The following TENM1 variants were observed in gnomAD, a reference collection of about 807,000 sequenced individuals.
The protein encoded by TENM1 is teneurin-1.
TENM1 carries 35 observed loss-of-function variants against 174.8 expected under a neutral mutation model. The ratio of observed to expected loss-of-function variants is 0.20; its 90% CI spans 0.15 to 0.27. The LOEUF (loss-of-function observed/expected upper bound fraction) is 0.27, where lower values mean the gene tolerates loss of function less well. TENM1 is among the 10% of genes least tolerant of loss of function. TENM1 has a pLI of 1.00. For missense variants in TENM1, 1,633 were observed against 2,130.1 expected (o/e 0.77, Z 4.59); for synonymous variants, 781 against 798.7 (o/e 0.98, Z 0.37).
intron 11 of TENM1, among the ~76,000 whole-genome samples, chrX:124,618,467 A>T (rs1342910701): frequency 1.8e-5 from 2 of 111,854 alleles, no homozygotes; most frequent in Admixed American, 9.5e-5. Flanking sequence ...TTTTGTAAGC[A>T]TGATTTTTTC....
At chrX:124,728,156 TC>T (rs745649859) in intron 4 of TENM1, among the ~76,000 whole-genome samples, 1,240 of 109,695 alleles carry the variant, frequency 0.011, 24 homozygotes, top group African/African-American at 0.038. Flanking sequence ...AAAAAAAAAA[TC>T]AAAGAATAAA....
chrX:125,004,540 G>A, the TENM1 span, among the ~76,000 whole-genome samples: 6 of 112,042 alleles, frequency 5.4e-5, no homozygotes, highest in African/African-American at 1.9e-4. Flanking sequence ...ATCAACGTCT[G>A]TATTAGTAAT....
At chrX:125,175,716 A>C in the TENM1 span, among the ~76,000 whole-genome samples, 1 of 110,816 alleles carries the variant, frequency 9.0e-6, no homozygotes, top group African/African-American at 3.3e-5. Flanking sequence ...TAGCAGAAAA[A>C]GGAAACAGGA....
At chrX:124,597,796 G>T (rs1183475391) in intron 11 of TENM1, among the ~76,000 whole-genome samples, 2 of 111,400 alleles carry the variant, frequency 1.8e-5, no homozygotes, top group African/African-American at 6.5e-5. Context: ...ATAATTGGGG[G>T]AAATCTGCAG....
At chrX:124,759,455 T>TTCA (rs2054353394) in intron 3 of TENM1, among the ~76,000 whole-genome samples, 1 of 111,604 alleles carries the variant, frequency 9.0e-6, no homozygotes, top group Non-Finnish European at 1.9e-5. Context: ...TTTGTAGTCT[T>TTCA]TCATCCCTCA....
chrX:125,052,084 A>G, the TENM1 span, among the ~76,000 whole-genome samples: 4 of 112,509 alleles, frequency 3.6e-5, no homozygotes, highest in Non-Finnish European at 7.5e-5. Context: ...GCCAACAGAT[A>G]CATGAAAAAA....
intron 18 of TENM1, among the ~76,000 whole-genome samples, chrX:124,517,274 C>T (rs574019295): frequency 2.7e-5 from 3 of 110,746 alleles, no homozygotes; most frequent in African/African-American, 9.8e-5. Flanking sequence ...TATAACAAGC[C>T]TACACACATA....
At chrX:124,455,997 C>A (rs1183879876) in intron 22 of TENM1, among the ~76,000 whole-genome samples, 1 of 111,641 alleles carries the variant, frequency 9.0e-6, no homozygotes, top group Non-Finnish European at 1.9e-5. Context: ...AAAGTTTAGG[C>A]TGATCCAGGG....
At chrX:125,002,097 T>C in the TENM1 span, among the ~76,000 whole-genome samples, 2 of 111,672 alleles carry the variant, frequency 1.8e-5, no homozygotes, top group African/African-American at 3.3e-5. Context: ...TCTTGGATTA[T>C]AAGCCCCAGG....
intron 18 of TENM1, among the ~76,000 whole-genome samples, chrX:124,511,702 A>C (rs1412972207): frequency 8.9e-6 from 1 of 112,543 alleles, no homozygotes. Flanking sequence ...AGCACTACTC[A>C]TTTATTATTA....
At chrX:124,924,908 C>T (rs943473986) in intron 1 of TENM1, among the ~76,000 whole-genome samples, 11 of 109,982 alleles carry the variant, frequency 1.0e-4, no homozygotes, top group Middle Eastern at 4.7e-3. Context: ...TATGAACCAC[C>T]GAACAAGCTA....
At chrX:124,876,025 T>C (rs954224025) in intron 3 of TENM1, among the ~76,000 whole-genome samples, 1 of 110,224 alleles carries the variant, frequency 9.1e-6, no homozygotes, top group South Asian at 3.8e-4. Flanking sequence ...ACAGACAGTA[T>C]AATATCATGG....
chrX:124,781,169 T>G (rs2147173568), intron 3 of TENM1, among the ~76,000 whole-genome samples: 1 of 112,154 alleles, frequency 8.9e-6, no homozygotes, highest in Non-Finnish European at 1.9e-5. Context: ...AAATAACTAA[T>G]ATTTTATTCA....
intron 22 of TENM1, among the ~76,000 whole-genome samples, chrX:124,454,533 A>T (rs1451084600): frequency 9.0e-6 from 1 of 110,666 alleles, no homozygotes; most frequent in Non-Finnish European, 1.9e-5. Flanking sequence ...CCTCCCAAAT[A>T]GCTAGGATTA....
At chrX:124,956,446 C>T (rs2058575327) in intron 1 of TENM1, among the ~76,000 whole-genome samples, 1 of 112,096 alleles carries the variant, frequency 8.9e-6, no homozygotes, top group South Asian at 3.7e-4. Flanking sequence ...TGAAGCTGGT[C>T]TCAACAGGGG....
intron 11 of TENM1, among the ~76,000 whole-genome samples, chrX:124,567,831 C>G (rs1010486404): frequency 2.7e-5 from 3 of 111,468 alleles, no homozygotes; most frequent in Non-Finnish European, 5.7e-5. Context: ...GGCCTCCTCC[C>G]AAGACATTAA....
At chrX:124,971,142 G>C in the TENM1 span, among the ~76,000 whole-genome samples, 1 of 72,339 alleles carries the variant, frequency 1.4e-5, no homozygotes, top group Non-Finnish European at 2.5e-5. Context: ...GTTGTGGGGT[G>C]GGGGGAGGGG....
Position 124,890,988 on chromosome X carries a change from A to G in TENM1, c.535+3308T>C, listed in dbSNP as rs187044354. 7.7e-4 allele frequency among the ~76,000 whole-genome samples: 86 copies of G among 111,999 alleles called. 1 individual carries two copies. The East Asian group carries it at 0.015, about 19-fold the overall frequency. ...GCCATTAAAAGAATGAAATCTTGTC[A>G]TTTGCAACAACATGAATGGAATTGG... On this transcript the variant is annotated intron_variant, in intron 3 of 31. Transcript: ENST00000422452.
intron 11 of TENM1, among the ~76,000 whole-genome samples, chrX:124,616,535 C>T (rs1257695167): frequency 8.9e-6 from 1 of 111,941 alleles, no homozygotes; most frequent in Non-Finnish European, 1.9e-5. Context: ...GTTATGTCTA[C>T]GAATTTAAGA....
Sources: gnomAD v4.1 joint callset for allele counts (sites outside exome capture counted in the v4.1 genomes callset) on GRCh38, gnomAD v4.1.1 for gene constraint, MANE v1.5 for transcripts, NCBI Gene and HGNC (gene_info 2026-07-23, HGNC 2026-07-21) for gene names.